Variants in CDH13 observed in about 807,000 individuals in gnomAD.
CDH13 encodes the protein cadherin-13.
CDH13 carries 24 observed loss-of-function variants against 63.8 expected under a neutral mutation model. The ratio of observed to expected loss-of-function variants is 0.38; its 90% CI spans 0.27 to 0.53. CDH13 has a LOEUF of 0.53. CDH13 is among the 20% of genes least tolerant of loss of function. The pLI is 0.85. For synonymous variants in CDH13, 503 were observed against 355.3 expected (o/e 1.42, Z -4.67); for missense variants, 1,049 against 903.1 (o/e 1.16, Z -2.07).
chr16:82,922,500 A>G (rs547450534), intron 2 of CDH13, among the ~76,000 whole-genome samples: 3 of 152,312 alleles, frequency 2.0e-5, no homozygotes, highest in African/African-American at 7.2e-5. Context: ...TCTAGAATCA[A>G]TCAGATTTAG....
At chr16:83,178,096 G>A (rs531580817) in intron 4 of CDH13, among the ~76,000 whole-genome samples, 37 of 152,152 alleles carry the variant, frequency 2.4e-4, no homozygotes, top group African/African-American at 6.0e-4. Flanking sequence ...GCTAACTATC[G>A]GTCCACTGAA....
chr16:83,256,324 C>T (rs1385948493), intron 5 of CDH13, among the ~76,000 whole-genome samples: 1 of 152,148 alleles, frequency 6.6e-6, no homozygotes, highest in Non-Finnish European at 1.5e-5. Context: ...TGTACCACTA[C>T]ACTTGGCCCA....
chr16:82,688,890 G>C (rs1435067049), intron 1 of CDH13: 1 of 152,152 alleles, frequency 6.6e-6, no homozygotes, highest in Admixed American at 6.5e-5. Context: ...TCTTGGAAAA[G>C]GGACCAAATA....
chr16:83,186,299 A>G (rs1371723271), intron 4 of CDH13, among the ~76,000 whole-genome samples: 1 of 151,500 alleles, frequency 6.6e-6, no homozygotes, highest in Non-Finnish European at 1.5e-5. Flanking sequence ...CCACCATGCC[A>G]AGCTAATTTT....
chr16:82,994,966 T>G (rs777932446), intron 2 of CDH13, among the ~76,000 whole-genome samples: 9 of 152,210 alleles, frequency 5.9e-5, no homozygotes, highest in Non-Finnish European at 1.2e-4. Flanking sequence ...TGGGTAAAAT[T>G]GGGGTAATTA....
chr16:83,286,087 T>C (rs758763986), intron 5 of CDH13, among the ~76,000 whole-genome samples: 51 of 152,152 alleles, frequency 3.4e-4, no homozygotes, highest in Non-Finnish European at 6.8e-4. Flanking sequence ...CTCCTCCTTG[T>C]CTGGCAAGTC....
rs116156849 is a variant in CDH13, at chr16:82,797,742, G to A, written c.46-60620G>A. Reference sequence around the variant, plus strand: ...GATAGAATTCAGTGAACAATGCTAAGGTTTACAAGGGCCCATGTATGACTT... The same window carrying A: ...GATAGAATTCAGTGAACAATGCTAAAGTTTACAAGGGCCCATGTATGACTT... On this transcript the variant is annotated intron_variant, in intron 1 of 13. Transcript: ENST00000567109. 7.9e-3 allele frequency among the ~76,000 whole-genome samples: 1,189 copies of A among 151,462 alleles called. 17 individuals are homozygous for A. Among genetic ancestry groups the A allele is most frequent in the Middle Eastern group, 0.017 (5 of 294 alleles).
intron 1 of CDH13, among the ~76,000 whole-genome samples, chr16:82,786,476 T>C (rs1255074115): frequency 6.8e-6 from 1 of 146,096 alleles, no homozygotes; most frequent in Non-Finnish European, 1.5e-5. Context: ...ATCTATGCCT[T>C]TTTGGTTTTT....
chr16:83,390,342 C>T (rs1271742265), intron 6 of CDH13, among the ~76,000 whole-genome samples: 1 of 152,142 alleles, frequency 6.6e-6, no homozygotes, highest in African/African-American at 2.4e-5. Context: ...CCTGCATATG[C>T]CATAATTTAC....
At chr16:83,487,382 C>T (rs1210451201) in intron 7 of CDH13, among the ~76,000 whole-genome samples, 4 of 152,164 alleles carry the variant, frequency 2.6e-5, no homozygotes, top group Non-Finnish European at 5.9e-5. Context: ...GTCCACTTTC[C>T]ACATGTGCAC....
chr16:83,530,046 C>T lies in CDH13; in HGVS notation c.960+43391C>T, dbSNP rs79315393. On this transcript the variant is annotated intron_variant, in intron 7 of 13. Transcript: ENST00000567109. The stretch of plus-strand genomic sequence containing the variant: ...TGCCTGATGCAGACACTGAGCTGGA[C>T]ATGAAGCATGTTCTCTGAAGATTAT... Among the ~76,000 whole-genome samples, 877 of 152,226 alleles carry T rather than the reference C, an allele frequency of 5.8e-3. 9 individuals are homozygous for T. The highest frequency in any genetic ancestry group is 0.019 in the African/African-American group (783 of 41,538).
Position 82,801,542 on chromosome 16 carries a change from G to A in CDH13, c.46-56820G>A, listed in dbSNP as rs377499864. The stretch of plus-strand genomic sequence containing the variant: ...TGCTCACAGATGTGAAGCCACAAAC[G>A]GCAGCTAGGGTCAAGAACAGCAAGG... On this transcript the variant is annotated intron_variant, in intron 1 of 13. Transcript: ENST00000567109. 2.2e-4 allele frequency among the ~76,000 whole-genome samples: 33 copies of A among 152,224 alleles called. No homozygotes were observed. The East Asian group carries it at 3.5e-3, about 16-fold the overall frequency.
intron 6 of CDH13, among the ~76,000 whole-genome samples, chr16:83,370,387 CA>C (rs760385414): frequency 0.17 from 17,528 of 104,474 alleles, 1,079 homozygotes; most frequent in Non-Finnish European, 0.2. Flanking sequence ...GACTCCATTT[CA>C]AAAAAAAAAA....
chr16:83,285,754 G>C (rs1015914991), intron 5 of CDH13, among the ~76,000 whole-genome samples: 2 of 152,100 alleles, frequency 1.3e-5, no homozygotes, highest in African/African-American at 4.8e-5. Flanking sequence ...ATATCTGCGG[G>C]TACCAAGGGA....
intron 2 of CDH13, among the ~76,000 whole-genome samples, chr16:82,880,476 A>G (rs1373049494): frequency 6.6e-6 from 1 of 152,132 alleles, no homozygotes; most frequent in East Asian, 1.9e-4. Flanking sequence ...GAATGGGGGC[A>G]TTTGCTCTGT....
intron 6 of CDH13, among the ~76,000 whole-genome samples, chr16:83,482,792 A>C (rs1037308606): frequency 6.6e-6 from 1 of 152,118 alleles, no homozygotes; most frequent in Non-Finnish European, 1.5e-5. Context: ...CACAGTAGAA[A>C]CCCAGATCTG....
chr16:83,169,270 G>A (rs941676686), intron 4 of CDH13, among the ~76,000 whole-genome samples: 2 of 151,652 alleles, frequency 1.3e-5, no homozygotes, highest in African/African-American at 4.8e-5. Context: ...TCCACCTCCT[G>A]GGTTCAAGCG....
At chr16:82,944,260 C>G (rs2151313270) in intron 2 of CDH13, among the ~76,000 whole-genome samples, 1 of 152,272 alleles carries the variant, frequency 6.6e-6, no homozygotes, top group Non-Finnish European at 1.5e-5. Flanking sequence ...ATGACATCCT[C>G]CAGTCCCAGG....
intron 1 of CDH13, among the ~76,000 whole-genome samples, chr16:82,768,168 T>G (rs1005285960): frequency 2.0e-5 from 3 of 152,190 alleles, no homozygotes; most frequent in Non-Finnish European, 4.4e-5. Context: ...TACACAATCA[T>G]GCAACATGTG....
Sources: gnomAD v4.1 joint callset for allele counts (sites outside exome capture counted in the v4.1 genomes callset) on GRCh38, gnomAD v4.1.1 for gene constraint, MANE v1.5 for transcripts, NCBI Gene and HGNC (gene_info 2026-07-23, HGNC 2026-07-21) for gene names.